The following ATP8A2 variants were observed in gnomAD, a reference collection of about 807,000 sequenced individuals.
The protein encoded by ATP8A2 is ATPase phospholipid transporting 8A2.
A neutral mutation model predicts 165.6 loss-of-function variants in ATP8A2; 100 were observed. The observed-to-expected ratio is 0.60, with a 90% CI of 0.51 to 0.71. The LOEUF (loss-of-function observed/expected upper bound fraction) is 0.71, where lower values mean the gene tolerates loss of function less well. Among genes scored for constraint, ATP8A2 ranks in the 30% least tolerant of loss-of-function variants. The pLI is 0.00. For missense variants in ATP8A2, 1,227 were observed against 1,479.5 expected, an observed-to-expected ratio of 0.83 and a Z score of 2.80; for synonymous variants, 543 against 548.8, an observed-to-expected ratio of 0.99 and a Z score of 0.15.
intron 25 of ATP8A2, among the ~76,000 whole-genome samples, chr13:25,754,074 C>T (rs905559404): frequency 3.3e-5 from 5 of 152,236 alleles, no homozygotes; most frequent in South Asian, 2.1e-4. Flanking sequence ...CTTATCACTG[C>T]GTAACGCCTT....
intron 25 of ATP8A2, among the ~76,000 whole-genome samples, chr13:25,765,327 G>T (rs1241638212): frequency 6.6e-6 from 1 of 152,148 alleles, no homozygotes; most frequent in African/African-American, 2.4e-5. Context: ...GTGGTCTGGG[G>T]TTTTTATTTT....
At chr13:25,858,681 A>C (rs1299487361) in intron 30 of ATP8A2, among the ~76,000 whole-genome samples, 1 of 152,230 alleles carries the variant, frequency 6.6e-6, no homozygotes, top group Non-Finnish European at 1.5e-5. Context: ...CTGCGAGCCC[A>C]GATATGTATG....
intron 24 of ATP8A2, among the ~76,000 whole-genome samples, chr13:25,684,010 C>T (rs1397083812): frequency 6.6e-6 from 1 of 152,112 alleles, no homozygotes; most frequent in African/African-American, 2.4e-5. Context: ...TTTGTTTCTC[C>T]AACTGTCTTA....
chr13:25,530,035 A>G lies in ATP8A2; in HGVS notation c.258A>G (p.Arg86=), dbSNP rs1342133935. The G allele has an allele frequency of 1.9e-6, 3 of 1,612,870 alleles. No individual in the cohort carries two copies. The highest frequency in any genetic ancestry group is 2.2e-5 in the East Asian group (1 of 44,838). Residue 86 remains arginine, a synonymous_variant, in exon 3 of 37, where the codon CGA becomes CGG. Coordinates refer to ENST00000381655, the MANE Select transcript of ATP8A2 (RefSeq NM_016529.6). ...AKYSVLTFLP[R]FLYEQIRRAA... is the part of the protein sequence containing the mutation. ...ACAGCGTGTTGACATTTCTACCTCG[A>G]TTCTTGTATGAGCAGATTAGAAGAG...
chr13:25,649,014 G>A (rs188109299), intron 24 of ATP8A2: 3 of 507,944 alleles, frequency 5.9e-6, no homozygotes, highest in African/African-American at 3.8e-5. Context: ...CCTTTCATTA[G>A]GGTCAATTTT....
intron 2 of ATP8A2, among the ~76,000 whole-genome samples, chr13:25,503,184 C>T (rs2036911918): frequency 6.6e-6 from 1 of 152,178 alleles, no homozygotes; most frequent in African/African-American, 2.4e-5. Context: ...CAAACAGGGA[C>T]TTACGCAAAG....
intron 1 of ATP8A2, among the ~76,000 whole-genome samples, chr13:25,378,102 G>A (rs766074693): frequency 3.3e-5 from 5 of 151,844 alleles, no homozygotes; most frequent in Non-Finnish European, 5.9e-5. Flanking sequence ...ACAACAGAGC[G>A]AGACCCTTCC....
chr13:25,527,916 C>T (rs776974571), intron 2 of ATP8A2, among the ~76,000 whole-genome samples: 1 of 152,184 alleles, frequency 6.6e-6, no homozygotes, highest in Non-Finnish European at 1.5e-5. Flanking sequence ...AGCTATCTTG[C>T]AAGATAGTTT....
chr13:25,856,585 A>T (rs1455575485), intron 30 of ATP8A2, among the ~76,000 whole-genome samples: 2 of 152,194 alleles, frequency 1.3e-5, no homozygotes, highest in African/African-American at 2.4e-5. Context: ...ATTTTTAAAA[A>T]TTTTTATTAT....
At position 25,929,645 on chromosome 13, in the gene ATP8A2, G is replaced by A. The variant is rs146832006; in HGVS notation, c.3184-31930G>A. Among the ~76,000 whole-genome samples, 1,019 of 152,218 alleles carry A rather than the reference G, an allele frequency of 6.7e-3. 12 individuals carry two copies. The highest frequency in any genetic ancestry group is 9.6e-3 in the Non-Finnish European group (651 of 68,018). On this transcript the variant is annotated intron_variant, in intron 33 of 36. Transcript: ENST00000381655. ...AGGCCGAGATGGGAGGATCCCTTGA[G>A]CCCAGGAGTTTGAGACCAGCCTGGC...
chr13:25,769,854 A>G (rs1012841924), intron 26 of ATP8A2, among the ~76,000 whole-genome samples: 3 of 152,308 alleles, frequency 2.0e-5, no homozygotes, highest in African/African-American at 7.2e-5. Context: ...AGTCCAGCGG[A>G]GGCTGATCCG....
At chr13:25,490,255 G>C (rs951761402) in intron 2 of ATP8A2, among the ~76,000 whole-genome samples, 1 of 152,216 alleles carries the variant, frequency 6.6e-6, no homozygotes, top group Non-Finnish European at 1.5e-5. Context: ...CAGCCTCCTG[G>C]CCTGTTTTTC....
intron 10 of ATP8A2, among the ~76,000 whole-genome samples, chr13:25,550,236 C>G (rs2038778712): frequency 6.6e-6 from 1 of 152,016 alleles, no homozygotes; most frequent in African/African-American, 2.4e-5. Flanking sequence ...ACCCAGGAGG[C>G]GGAGGTTGCA....
intron 24 of ATP8A2, among the ~76,000 whole-genome samples, chr13:25,671,118 A>G (rs1401794492): frequency 2.0e-5 from 3 of 152,200 alleles, no homozygotes; most frequent in Non-Finnish European, 4.4e-5. Flanking sequence ...TAATACTTTT[A>G]TAGTTTCTTA....
At chr13:25,714,701 T>G (rs1199581805) in intron 25 of ATP8A2, among the ~76,000 whole-genome samples, 1 of 152,240 alleles carries the variant, frequency 6.6e-6, no homozygotes, top group African/African-American at 2.4e-5. Flanking sequence ...CTCATGACAG[T>G]TGCTGAAGTT....
At chr13:25,576,934 GA>G in intron 19 of ATP8A2, 134 bp from the exon 20 acceptor site, 2 of 685,388 alleles carry the variant, frequency 2.9e-6, no homozygotes, top group Non-Finnish European at 2.6e-6. Context: ...CTACTTTGAA[GA>G]AAAAGGCAGG....
chr13:25,834,375 T>C (rs1951553057), intron 28 of ATP8A2, among the ~76,000 whole-genome samples: 1 of 152,216 alleles, frequency 6.6e-6, no homozygotes, highest in African/African-American at 2.4e-5. Flanking sequence ...AAAATGCATG[T>C]ATCCTTTTAA....
chr13:25,920,442 A>C (rs574937930), intron 33 of ATP8A2, among the ~76,000 whole-genome samples: 4 of 152,304 alleles, frequency 2.6e-5, no homozygotes, highest in Admixed American at 6.5e-5. Flanking sequence ...CTTGTGAAAA[A>C]GATGTCTTTG....
intron 24 of ATP8A2, among the ~76,000 whole-genome samples, chr13:25,594,924 G>C (rs1333207378): frequency 6.6e-6 from 1 of 150,794 alleles, no homozygotes; most frequent in African/African-American, 2.4e-5. Flanking sequence ...CAAAAACCTG[G>C]AACCAACCCA....
Sources: allele counts gnomAD v4.1 joint callset (sites outside exome capture counted in the v4.1 genomes callset), GRCh38; gene constraint gnomAD v4.1.1; transcripts MANE v1.5; gene names NCBI Gene and HGNC (gene_info 2026-07-23, HGNC 2026-07-21).